The following SLIT3 variants were observed in gnomAD, a reference collection of about 807,000 sequenced individuals.
SLIT3 encodes slit guidance ligand 3.
In SLIT3, 68 loss-of-function variants were observed where a neutral mutation model predicts 184.0. The observed-to-expected ratio is 0.37, with a 90% CI of 0.30 to 0.45. The LOEUF is 0.45. SLIT3 is among the 20% of genes least tolerant of loss of function. The pLI is 1.00. For missense variants in SLIT3, 1,707 were observed against 2,026.0 expected, an observed-to-expected ratio of 0.84 and a Z score of 3.02; for synonymous variants, 831 against 828.6, an observed-to-expected ratio of 1.00 and a Z score of -0.05.
intron 4 of SLIT3, among the ~76,000 whole-genome samples, chr5:169,192,343 A>G (rs1253919490): frequency 6.6e-6 from 1 of 152,120 alleles, no homozygotes; most frequent in Non-Finnish European, 1.5e-5. Flanking sequence ...AGACCACTGC[A>G]TGATTGGAAT....
chr5:169,294,970 C>A (rs1339959102), intron 1 of SLIT3, among the ~76,000 whole-genome samples: 2 of 152,180 alleles, frequency 1.3e-5, no homozygotes, highest in Non-Finnish European at 2.9e-5. Flanking sequence ...CTGCACAGGG[C>A]ATTTACCAGG....
At chr5:169,017,853 G>T (rs903885230) in intron 4 of SLIT3, 2 of 152,216 alleles carry the variant, frequency 1.3e-5, no homozygotes, top group Non-Finnish European at 2.9e-5. Context: ...AGGAGTCAGA[G>T]AAGTAATCTG....
intron 4 of SLIT3, among the ~76,000 whole-genome samples, chr5:169,087,718 C>G (rs764841019): frequency 1.3e-5 from 2 of 152,134 alleles, no homozygotes; most frequent in Non-Finnish European, 2.9e-5. Flanking sequence ...AGTACAGTTA[C>G]AACCAATAAA....
intron 12 of SLIT3, among the ~76,000 whole-genome samples, chr5:168,779,083 C>T (rs1197365901): frequency 6.6e-6 from 1 of 152,236 alleles, no homozygotes; most frequent in Non-Finnish European, 1.5e-5. Flanking sequence ...GCATATTACA[C>T]ACTTCACAAG....
intron 20 of SLIT3, among the ~76,000 whole-genome samples, chr5:168,725,722 T>G (rs1266352941): frequency 6.6e-6 from 1 of 152,212 alleles, no homozygotes; most frequent in African/African-American, 2.4e-5. Context: ...TCTAATGAGC[T>G]CCTGGGTGAT....
intron 5 of SLIT3, among the ~76,000 whole-genome samples, chr5:168,857,872 G>A (rs73805261): frequency 0.012 from 1,839 of 152,308 alleles, 45 homozygotes; most frequent in African/African-American, 0.042. Context: ...TGCCTATCAG[G>A]TAGAGATTCA....
intron 4 of SLIT3, among the ~76,000 whole-genome samples, chr5:168,922,088 G>A (rs185278627): frequency 6.6e-6 from 1 of 152,210 alleles, no homozygotes; most frequent in Non-Finnish European, 1.5e-5. Flanking sequence ...GAAGTAACTG[G>A]CCCCATGCTG....
intron 3 of SLIT3, among the ~76,000 whole-genome samples, chr5:169,196,720 C>G (rs563037720): frequency 6.6e-6 from 1 of 152,308 alleles, no homozygotes; most frequent in Non-Finnish European, 1.5e-5. Flanking sequence ...CACCATGCTA[C>G]TCAAAGCCTT....
At chr5:169,171,357 C>A (rs1480871639) in intron 4 of SLIT3, among the ~76,000 whole-genome samples, 1 of 152,154 alleles carries the variant, frequency 6.6e-6, no homozygotes, top group Non-Finnish European at 1.5e-5. Flanking sequence ...GCAAGGTATC[C>A]CAGGCAGGGA....
chr5:168,705,975 T>C (rs554454537), intron 26 of SLIT3, among the ~76,000 whole-genome samples: 1 of 152,382 alleles, frequency 6.6e-6, no homozygotes, highest in African/African-American at 2.4e-5. Context: ...GTGCCTGGCC[T>C]TTATTGATGA....
intron 4 of SLIT3, among the ~76,000 whole-genome samples, chr5:168,900,877 G>A (rs1760842216): frequency 6.6e-6 from 1 of 152,204 alleles, no homozygotes; most frequent in African/African-American, 2.4e-5. Flanking sequence ...AATTTCACAG[G>A]TTCTCACTTA....
intron 23 of SLIT3, among the ~76,000 whole-genome samples, chr5:168,714,692 G>C (rs1315808029): frequency 6.6e-6 from 1 of 152,222 alleles, no homozygotes; most frequent in Admixed American, 6.5e-5. Flanking sequence ...GGCCCCCAAA[G>C]AAGTACTCTT....
chr5:168,996,338 C>G (rs1262925440), intron 4 of SLIT3, among the ~76,000 whole-genome samples: 1 of 152,118 alleles, frequency 6.6e-6, no homozygotes. Flanking sequence ...CTATCCTTTC[C>G]CATTTCACAC....
chr5:169,075,109 C>T (rs1758688858), intron 4 of SLIT3, among the ~76,000 whole-genome samples: 1 of 152,024 alleles, frequency 6.6e-6, no homozygotes, highest in African/African-American at 2.4e-5. Flanking sequence ...CACCGAGAGA[C>T]TCTGCTTATG....
At position 169,056,266 on chromosome 5, in the gene SLIT3, C is replaced by T. The variant is rs566665062; in HGVS notation, c.413+137213G>A. Among the ~76,000 whole-genome samples the T allele has an allele frequency of 7.9e-5, 12 of 152,202 alleles. No individual in the cohort carries two copies. In the East Asian group the frequency reaches 1.2e-3, roughly 15 times the overall value. ...AGCTCAGTGGATGAGGACAGGGTGCCGACTTGATTCACAGGCCTTGTGGAT... is the reference window on the plus strand; with the variant it reads ...AGCTCAGTGGATGAGGACAGGGTGCTGACTTGATTCACAGGCCTTGTGGAT... On this transcript the variant is annotated intron_variant, in intron 4 of 35. Transcript: ENST00000519560.
chr5:169,208,468 T>A (rs2113504705), intron 3 of SLIT3, among the ~76,000 whole-genome samples: 1 of 152,114 alleles, frequency 6.6e-6, no homozygotes, highest in Middle Eastern at 3.4e-3. Flanking sequence ...AAAGAGCCTG[T>A]ATAGCCAAGA....
chr5:168,770,159 G>C (rs1173734745), intron 14 of SLIT3, among the ~76,000 whole-genome samples: 1 of 152,154 alleles, frequency 6.6e-6, no homozygotes, highest in African/African-American at 2.4e-5. Flanking sequence ...GACTTAATCT[G>C]ATGGTCAGAT....
chr5:169,255,360 G>T (rs1336992397), intron 1 of SLIT3, among the ~76,000 whole-genome samples: 2 of 152,188 alleles, frequency 1.3e-5, no homozygotes, highest in African/African-American at 4.8e-5. Context: ...AGACTTACCA[G>T]TGGGACAAGA....
At chr5:168,810,049 T>C (rs934945816) in intron 8 of SLIT3, among the ~76,000 whole-genome samples, 2 of 152,214 alleles carry the variant, frequency 1.3e-5, no homozygotes, top group Non-Finnish European at 2.9e-5. Context: ...CAGGGTGTCC[T>C]AAGCAGTCTA....
Sources: gnomAD v4.1 joint callset for allele counts (sites outside exome capture counted in the v4.1 genomes callset) on GRCh38, gnomAD v4.1.1 for gene constraint, MANE v1.5 for transcripts, NCBI Gene and HGNC (gene_info 2026-07-23, HGNC 2026-07-21) for gene names.